Variants in SIX1 observed in about 807,000 individuals in gnomAD.
The protein encoded by SIX1 is homeobox protein SIX1.
Under a neutral mutation model 26.5 loss-of-function variants are expected in SIX1, and 11 were observed. The ratio of observed to expected loss-of-function variants is 0.41; its 90% CI spans 0.26 to 0.69. The LOEUF (loss-of-function observed/expected upper bound fraction) is 0.69. Ranked by LOEUF, SIX1 falls within the 30% of genes least tolerant of loss-of-function variation. SIX1 has a pLI of 0.28. For missense variants in SIX1, 333 were observed against 365.9 expected (o/e 0.91, Z 0.73); for synonymous variants, 177 against 166.2 (o/e 1.06, Z -0.50).
chr14:60,646,092 G>A lies in SIX1; in HGVS notation c.*191C>T, dbSNP rs1894935184. On this transcript the variant is annotated 3_prime_UTR_variant, in exon 2 of 2. Transcript: ENST00000645694. ...AAGTGGAAAGAGTTGGAGAGAAGAGGAGATTAAGCTTGAGATCGCTGTTGG... is the reference window on the plus strand; with the variant it reads ...AAGTGGAAAGAGTTGGAGAGAAGAGAAGATTAAGCTTGAGATCGCTGTTGG... 2 of 566,668 alleles carry A rather than the reference G, an allele frequency of 3.5e-6. No individual in the cohort carries two copies. Among genetic ancestry groups the A allele is most frequent in the Non-Finnish European group, 6.2e-6 (2 of 325,156 alleles). The allele number at this position is 566,668 out of a possible 1,614,324, so 35.1% of individuals were successfully genotyped here.
rs923702534 is a variant in SIX1, at chr14:60,645,380, C to T, written c.*903G>A. On this transcript the variant is annotated 3_prime_UTR_variant, in exon 2 of 2. Coordinates refer to ENST00000645694, the MANE Select transcript of SIX1 (RefSeq NM_005982.4). This position sits in a 1 kb window ranked among gnomAD's most constrained non-coding sequence, Gnocchi z 4.6. ...CCAGGTTGCCAGATTCGTTGGCATA[C>T]CTTTGCAAACTAGAAACTAGAAACA... is the stretch of plus-strand genomic sequence containing the variant. 6.6e-6 allele frequency: 1 copy of T among 152,076 alleles called. No homozygotes were observed. The highest frequency in any genetic ancestry group is 2.4e-5 in the African/African-American group (1 of 41,410). 9.4% of individuals were successfully genotyped at this position (152,076 alleles called of 1,614,324 possible).
In SIX1 at chr14:60,643,845, T is replaced by C; in HGVS notation, c.*2438A>G. On this transcript the variant is annotated 3_prime_UTR_variant, in exon 2 of 2. Transcript: ENST00000645694. ...TGCCAGGGGTTTTACAAAGAGTTTA[T>C]GACTGTGACAGAAAATTGTCCTTTT... is the stretch of plus-strand genomic sequence containing the variant. The C allele has an allele frequency of 6.6e-6, 1 of 152,218 alleles. No individual in the cohort carries two copies. The highest frequency in any genetic ancestry group is 1.9e-4 in the East Asian group (1 of 5,202). 9.4% of individuals were successfully genotyped at this position (152,218 alleles called of 1,614,324 possible).
Position 60,647,955 on chromosome 14 carries a change from G to C in SIX1, c.560+675C>G, listed in dbSNP as rs942664357. Among the ~76,000 whole-genome samples, 6 of 152,222 alleles carry C rather than the reference G, an allele frequency of 3.9e-5. No individual in the cohort carries two copies. The highest frequency in any genetic ancestry group is 7.3e-5 in the Non-Finnish European group (5 of 68,038). On this transcript the variant is annotated intron_variant, in intron 1 of 1. Coordinates refer to ENST00000645694, the MANE Select transcript of SIX1 (RefSeq NM_005982.4). This position sits in a 1 kb window ranked among gnomAD's most constrained non-coding sequence, Gnocchi z 5.1. ...TGCGGCGCGGTCAGCCAGACCGACGGGCTGCAGTGCCGGGCCACGCGCGAG... is the reference window on the plus strand; with the variant it reads ...TGCGGCGCGGTCAGCCAGACCGACGCGCTGCAGTGCCGGGCCACGCGCGAG...
In SIX1 at chr14:60,646,448, C is replaced by T; in HGVS notation, c.690G>A (p.Ser230=). ...CCATATTGCCCTGCAGCAGAAGGAC[C>T]GAGTTCTGGTCTGGACTTTGGGGAG... The part of the protein sequence containing the change: ...FSPPQSPDQN[S]VLLLQGNMGH... The change falls in exon 2 of 2, where the codon TCG becomes TCA. Residue 230 remains serine, a synonymous_variant. Coordinates refer to ENST00000645694, the MANE Select transcript of SIX1 (RefSeq NM_005982.4). The T allele has an allele frequency of 6.2e-7, 1 of 1,613,916 alleles. No individual in the cohort carries two copies. The highest frequency in any genetic ancestry group is 8.5e-7 in the Non-Finnish European group (1 of 1,179,986).
Position 60,645,572 on chromosome 14 carries a change from C to CAA in SIX1, c.*709_*710dup, listed in dbSNP as rs751939659. 4 of 151,202 alleles carry CAA rather than the reference C, an allele frequency of 2.6e-5. No homozygotes were observed. The highest frequency in any genetic ancestry group is 6.6e-5 in the Admixed American group (1 of 15,186). 9.4% of individuals were successfully genotyped at this position (151,202 alleles called of 1,614,324 possible). On this transcript the variant is annotated 3_prime_UTR_variant, in exon 2 of 2. Coordinates refer to ENST00000645694, the MANE Select transcript of SIX1 (RefSeq NM_005982.4). The surrounding 1 kb of genome is among the most constrained non-coding windows in gnomAD (Gnocchi z 4.6). ...AACCAAAAAATCCCACTAAATTTGA[C>CAA]AAAAATAGTTGCATTACTAATGGTC...
At position 60,644,964 on chromosome 14, in the gene SIX1, T is replaced by C. The variant is rs982122567; in HGVS notation, c.*1319A>G. ...CTTCAAGCAGATAAATTATTTTTAC[T>C]TTCACAGTCTTGTCATAAACTTGTT... On this transcript the variant is annotated 3_prime_UTR_variant, in exon 2 of 2. Coordinates refer to ENST00000645694, the MANE Select transcript of SIX1 (RefSeq NM_005982.4). The C allele has an allele frequency of 6.6e-6, 1 of 152,244 alleles. No individual in the cohort carries two copies. The allele number at this position is 152,244 out of a possible 1,614,324, so 9.4% of individuals were successfully genotyped here. A position where few individuals can be genotyped will look rare whatever the true frequency, so the allele number is the denominator to read the frequency against.
rs975058979 is a variant in SIX1, at chr14:60,648,780, C to A, written c.410G>T (p.Gly137Val). The change falls in exon 1 of 2, where the codon GGT (glycine) becomes GTT (valine). Residue 137 changes from glycine (G) to valine (V), a missense_variant. Transcript: ENST00000645694. This position sits in a 1 kb window ranked among gnomAD's most constrained non-coding sequence, Gnocchi z 7.9. ...TSYCFKEKSR[G>V]VLREWYAHNP... ...GTGCGCGTACCACTCCCGCAGGACA[C>A]CCCTCGACTTCTCCTTGAAGCAGTA... 6.2e-7 allele frequency: 1 copy of A among 1,614,104 alleles called. No homozygotes were observed. The highest frequency in any genetic ancestry group is 8.5e-7 in the Non-Finnish European group (1 of 1,180,032).
chr14:60,649,293 C>T lies in SIX1; in HGVS notation c.-104G>A. 3 of 1,034,774 alleles carry T rather than the reference C, an allele frequency of 2.9e-6. No individual in the cohort carries two copies. Among genetic ancestry groups the T allele is most frequent in the South Asian group, 1.4e-5 (1 of 69,462 alleles). The allele number at this position is 1,034,774 out of a possible 1,614,324, so 64.1% of individuals were successfully genotyped here. ...GGGAGGGGGGCGCGGCTGTTCCTAA[C>T]CTCCTCCTTAGGCTTTGCAAAGGCG... On this transcript the variant is annotated 5_prime_UTR_variant, in exon 1 of 2. Coordinates refer to ENST00000645694, the MANE Select transcript of SIX1 (RefSeq NM_005982.4). The surrounding 1 kb of genome is among the most constrained non-coding windows in gnomAD (Gnocchi z 5.1).
rs774637636 is a variant in SIX1 at position 60,649,047 on chromosome 14, C to T, written c.143G>A (p.Ser48Asn). Residue 48 changes from serine to asparagine, a missense_variant, in exon 1 of 2, where the codon AGC becomes AAC. Physicochemically the swap from Ser to Asn is conservative, Grantham distance 46. Around this residue, in one of 3 missense-constraint regions of SIX1, gnomAD observed 133 missense variants for 131.8 expected, o/e 1.01. Transcript: ENST00000645694. This position sits in a 1 kb window ranked among gnomAD's most constrained non-coding sequence, Gnocchi z 5.1. ...GACCACCGCCTTGGCCTTGAGTACG[C>T]TCTCGTTCTTGTGCAGGTGGTCGCA... Reference protein sequence around the residue: ...PACDHLHKNESVLKAKAVVAF... With the variant: ...PACDHLHKNENVLKAKAVVAF... 1.2e-6 allele frequency: 2 copies of T among 1,614,004 alleles called. No homozygotes were observed. Among genetic ancestry groups the T allele is most frequent in the Non-Finnish European group, 8.5e-7 (1 of 1,180,006 alleles).
In SIX1 at chr14:60,643,789, C is replaced by T. The variant is rs1033318489; in HGVS notation, c.*2494G>A. 1 of 152,214 alleles carries T rather than the reference C, an allele frequency of 6.6e-6. No homozygotes were observed. The highest frequency in any genetic ancestry group is 1.5e-5 in the Non-Finnish European group (1 of 68,036). The allele number at this position is 152,214 out of a possible 1,614,324, so 9.4% of individuals were successfully genotyped here. On this transcript the variant is annotated 3_prime_UTR_variant, in exon 2 of 2. Coordinates refer to ENST00000645694, the MANE Select transcript of SIX1 (RefSeq NM_005982.4). ...GCACATTGTGCAATTTCTTATTAAACACATCTGGAATATGCGCGCTCTGGA... is the reference window on the plus strand; with the variant it reads ...GCACATTGTGCAATTTCTTATTAAATACATCTGGAATATGCGCGCTCTGGA...
In SIX1 at chr14:60,646,461, G is replaced by A; in HGVS notation, c.677C>T (p.Pro226Leu). Reference protein sequence around the residue: ...SEEEFSPPQSPDQNSVLLLQG... With the variant: ...SEEEFSPPQSLDQNSVLLLQG... ...CAGCAGAAGGACCGAGTTCTGGTCT[G>A]GACTTTGGGGAGGTGAGAATTCCTC... The change falls in exon 2 of 2, where the codon CCA (proline) becomes CTA (leucine). Residue 226 changes from proline to leucine, a missense_variant. Coordinates refer to ENST00000645694, the MANE Select transcript of SIX1 (RefSeq NM_005982.4). 6.2e-7 allele frequency: 1 copy of A among 1,614,102 alleles called. No homozygotes were observed. Among genetic ancestry groups the A allele is most frequent in the South Asian group, 1.1e-5 (1 of 91,076 alleles).
Position 60,646,392 on chromosome 14 carries a change from G to T in SIX1, c.746C>A (p.Pro249Gln), listed in dbSNP as rs368974927. The change falls in exon 2 of 2, where the codon CCG becomes CAG. Residue 249 changes from proline (P) to glutamine (Q), a missense_variant. Physicochemically the swap from Pro to Gln is moderately conservative, Grantham distance 76. This residue lies in a region of SIX1 where 199 missense variants were observed against 215.2 expected (regional missense o/e 0.92). Coordinates refer to ENST00000645694, the MANE Select transcript of SIX1 (RefSeq NM_005982.4). Reference sequence around the variant, plus strand: ...ACTGGGCTGCGAGGCTGTTAAGCCCGGGAGAGAATAGTTTGAGCTCCTGGC... The same window carrying T: ...ACTGGGCTGCGAGGCTGTTAAGCCCTGGAGAGAATAGTTTGAGCTCCTGGC... ...GHARSSNYSL[P>Q]GLTASQPSHG... is the part of the protein sequence containing the mutation. 4.0e-5 allele frequency: 65 copies of T among 1,614,016 alleles called. No homozygotes were observed. The East Asian group carries it at 5.6e-4, about 14-fold the overall frequency.
rs1324340300 is a variant in SIX1, at chr14:60,646,568, G to C, written c.570C>G (p.Thr190=). ...TGTTGGAGGAGGAGTTATTGTTTTCGGTGTTCTCCCTAAGAAATAGAGGAC... is the reference window on the plus strand; with the variant it reads ...TGTTGGAGGAGGAGTTATTGTTTTCCGTGTTCTCCCTAAGAAATAGAGGAC... ...RAAEAKEREN[T]ENNNSSSNKQ... is the part of the protein sequence containing the mutation. Residue 190 remains threonine (T), a synonymous_variant, in exon 2 of 2, where the codon ACC becomes ACG. Transcript: ENST00000645694. 1.9e-6 allele frequency: 3 copies of C among 1,598,374 alleles called. No individual in the cohort carries two copies. The highest frequency in any genetic ancestry group is 1.7e-5 in the Admixed American group (1 of 58,978).
At position 60,648,806 on chromosome 14, in the gene SIX1, G is replaced by A. The variant is rs1313474390; in HGVS notation, c.384C>T (p.Ser128=). ...CCCTCGACTTCTCCTTGAAGCAGTAGCTGGTCTCCTCGCCGTCCCAGATGG... is the reference window on the plus strand; with the variant it reads ...CCCTCGACTTCTCCTTGAAGCAGTAACTGGTCTCCTCGCCGTCCCAGATGG... ...PRTIWDGEET[S]YCFKEKSRGV... Residue 128 remains serine, a synonymous_variant, in exon 1 of 2, where the codon AGC becomes AGT. Transcript: ENST00000645694. This position sits in a 1 kb window ranked among gnomAD's most constrained non-coding sequence, Gnocchi z 7.9. 6.2e-7 allele frequency: 1 copy of A among 1,614,118 alleles called. No homozygotes were observed. Among genetic ancestry groups the A allele is most frequent in the African/African-American group, 1.3e-5 (1 of 74,948 alleles).
rs999858465 is a variant in SIX1 at position 60,647,790 on chromosome 14, G to C, written c.560+840C>G. On this transcript the variant is annotated intron_variant, in intron 1 of 1. Coordinates refer to ENST00000645694, the MANE Select transcript of SIX1 (RefSeq NM_005982.4). This position sits in a 1 kb window ranked among gnomAD's most constrained non-coding sequence, Gnocchi z 5.1. ...CTGAATCTCTGTCCGAAACGCTATA[G>C]AGAACAGAAGGAGCCTGCCCAGGTG... is the stretch of plus-strand genomic sequence containing the variant. 6.6e-6 allele frequency among the ~76,000 whole-genome samples: 1 copy of C among 152,252 alleles called. No individual in the cohort carries two copies. Among genetic ancestry groups the C allele is most frequent in the African/African-American group, 2.4e-5 (1 of 41,476 alleles).
chr14:60,646,601 T>C (rs777845148), intron 1 of SIX1, 24 bp from the exon 2 acceptor site: 1 of 998,146 alleles, frequency 1.0e-6, no homozygotes, highest in Non-Finnish European at 1.4e-6. Flanking sequence ...GACAACACCA[T>C]ATGGTTAAAA....
At position 60,648,266 on chromosome 14, in the gene SIX1, C is replaced by T. The variant is rs1894986628; in HGVS notation, c.560+364G>A. On this transcript the variant is annotated intron_variant, in intron 1 of 1. Coordinates refer to ENST00000645694, the MANE Select transcript of SIX1 (RefSeq NM_005982.4). The surrounding 1 kb of genome is among the most constrained non-coding windows in gnomAD (Gnocchi z 7.9). Reference sequence around the variant, plus strand: ...CCTCAGCTCCCACCAAACCCCTTTCCTTGCGACACCAATCAACATTTCACT... The same window carrying T: ...CCTCAGCTCCCACCAAACCCCTTTCTTTGCGACACCAATCAACATTTCACT... Among the ~76,000 whole-genome samples the T allele has an allele frequency of 6.6e-6, 1 of 152,176 alleles. No homozygotes were observed. Among genetic ancestry groups the T allele is most frequent in the Admixed American group, 6.5e-5 (1 of 15,278 alleles).
In SIX1 at chr14:60,648,790, TCTC is replaced by T. The variant is rs80356460; in HGVS notation, c.397_399del (p.Glu133del). The T allele has an allele frequency of 1.2e-6, 2 of 1,614,102 alleles. No individual in the cohort carries two copies. The highest frequency in any genetic ancestry group is 2.2e-5 in the East Asian group (1 of 44,862). ...CACTCCCGCAGGACACCCCTCGACTTCTCCTTGAAGCAGTAGCTGGTCTCCTCG... is the reference window on the plus strand; with the variant it reads ...CACTCCCGCAGGACACCCCTCGACTTCTTGAAGCAGTAGCTGGTCTCCTCG... On this transcript the variant is annotated inframe_deletion, in exon 1 of 2. Coordinates refer to ENST00000645694, the MANE Select transcript of SIX1 (RefSeq NM_005982.4). This position sits in a 1 kb window ranked among gnomAD's most constrained non-coding sequence, Gnocchi z 7.9.
Position 60,648,532 on chromosome 14 carries a change from G to A in SIX1, c.560+98C>T. 7.9e-7 allele frequency: 1 copy of A among 1,258,000 alleles called. No individual in the cohort carries two copies. The highest frequency in any genetic ancestry group is 2.5e-5 in the East Asian group (1 of 39,410). 77.9% of individuals were successfully genotyped at this position (1,258,000 alleles called of 1,614,324 possible). On this transcript the variant is annotated intron_variant, in intron 1 of 1. Coordinates refer to ENST00000645694, the MANE Select transcript of SIX1 (RefSeq NM_005982.4). The surrounding 1 kb of genome is among the most constrained non-coding windows in gnomAD (Gnocchi z 7.9). ...CCCGTGGACGGGCTCCGGCCGGCGG[G>A]GAGGACTTGGTGGCTGGTGCCTGCG... is the stretch of plus-strand genomic sequence containing the variant.
Sources: gnomAD v4.1 joint callset for allele counts (sites outside exome capture counted in the v4.1 genomes callset) on GRCh38, gnomAD v4.1.1 for gene constraint, gnomAD v4.1.1 regional missense constraint, Gnocchi (gnomAD v3.1) non-coding constraint, MANE v1.5 for transcripts, NCBI Gene and HGNC (gene_info 2026-07-23, HGNC 2026-07-21) for gene names.